The following SND1 variants were observed in gnomAD, a reference collection of about 807,000 sequenced individuals.
SND1 encodes the protein staphylococcal nuclease and tudor domain containing 1, also known as staphylococcal nuclease domain-containing protein 1.
Under a neutral mutation model 121.7 loss-of-function variants are expected in SND1, and 38 were observed. That is an observed-to-expected ratio of 0.31 (90% confidence interval 0.24 to 0.41). The LOEUF (loss-of-function observed/expected upper bound fraction) is 0.41, where lower values mean the gene tolerates loss of function less well. Among genes scored for constraint, SND1 ranks in the 10% least tolerant of loss-of-function variants. The probability of loss-of-function intolerance (pLI) is 1.00; values close to 1 mark genes in which losing one functional copy is unlikely to be tolerated. For synonymous variants in SND1, 401 were observed against 447.4 expected (o/e 0.90, Z 1.31); for missense variants, 868 against 1,184.6 (o/e 0.73, Z 3.92).
intron 10 of SND1, among the ~76,000 whole-genome samples, chr7:127,787,900 A>T (rs1241911556): frequency 6.6e-6 from 1 of 152,172 alleles, no homozygotes; most frequent in Non-Finnish European, 1.5e-5. Context: ...TTATCCAAAC[A>T]TTTTCTGAAG....
In SND1 at chr7:127,703,178, G is replaced by A. The variant is rs1796133318; in HGVS notation, c.695G>A (p.Arg232Gln). The A allele has an allele frequency of 6.2e-6, 10 of 1,614,078 alleles. No individual in the cohort carries two copies. The highest frequency in any genetic ancestry group is 4.5e-5 in the East Asian group (2 of 44,868). ...MLSGIKCPTF[R>Q]READGSETPE... ...CCTTTGCTTTAGTGCCCAACTTTTC[G>A]ACGGGAAGCAGATGGCAGTGAAACT... The change falls in exon 7 of 24, where the codon CGA (arginine) becomes CAA (glutamine). Residue 232 changes from arginine to glutamine, a missense_variant. Arg to Gln is a conservative substitution (Grantham distance 43, BLOSUM62 1). Coordinates refer to ENST00000354725, the MANE Select transcript of SND1 (RefSeq NM_014390.4).
rs745651224 is a variant in SND1, at chr7:127,694,863, G to A, written c.264G>A (p.Lys88=). 1 of 1,614,030 alleles carries A rather than the reference G, an allele frequency of 6.2e-7. No homozygotes were observed. Among genetic ancestry groups the A allele is most frequent in the Admixed American group, 1.7e-5 (1 of 60,006 alleles). The change falls in exon 3 of 24, where the codon AAG becomes AAA. Residue 88 remains lysine (K), a synonymous_variant. Coordinates refer to ENST00000354725, the MANE Select transcript of SND1 (RefSeq NM_014390.4). The part of the protein sequence containing the change: ...WAFPAREFLR[K]KLIGKEVCFT... ...TTCCAGCTCGAGAGTTCCTTCGAAA[G>A]AAGCTGATTGGGAAGGAAGTCTGTT...
At chr7:127,764,038 C>CAAAAAAAAAAAAAAAAAA (rs60053474) in intron 10 of SND1, among the ~76,000 whole-genome samples, 6 of 76,476 alleles carry the variant, frequency 7.8e-5, no homozygotes, top group Non-Finnish European at 1.7e-4. Context: ...GACCCTGTCG[C>CAAAAAAAAAAAAAAAAAA]AAAAAAAAAA....
At chr7:127,685,114 T>A (rs1795790182) in intron 1 of SND1, among the ~76,000 whole-genome samples, 1 of 152,158 alleles carries the variant, frequency 6.6e-6, no homozygotes, top group Non-Finnish European at 1.5e-5. Flanking sequence ...GTTCTTAACT[T>A]GGGTGGTGGT....
At chr7:127,858,130 AGGGAGTGTGGGGGTGT>A in intron 12 of SND1, 1 of 862,382 alleles carries the variant, frequency 1.2e-6, no homozygotes, top group Non-Finnish European at 2.0e-6. Flanking sequence ...GAACATGTCT[AGGGAGTGTGGGGGTGT>A]GGGATTGTGG....
At chr7:127,682,572 A>G (rs1795746736) in intron 1 of SND1, among the ~76,000 whole-genome samples, 1 of 152,244 alleles carries the variant, frequency 6.6e-6, no homozygotes, top group Non-Finnish European at 1.5e-5. Context: ...ATAAATTAGC[A>G]ATTAAGGATA....
intron 1 of SND1, among the ~76,000 whole-genome samples, chr7:127,655,161 G>A (rs79632614): frequency 4.8e-4 from 73 of 152,294 alleles, no homozygotes; most frequent in African/African-American, 1.7e-3. Context: ...GTCTGAAATC[G>A]TCTAGGGTTG....
At chr7:127,735,889 C>CA (rs2116422166) in intron 10 of SND1, among the ~76,000 whole-genome samples, 1 of 152,326 alleles carries the variant, frequency 6.6e-6, no homozygotes, top group Admixed American at 6.5e-5. Flanking sequence ...CCCAGCCTCC[C>CA]AAAGTGCTGG....
intron 16 of SND1, among the ~76,000 whole-genome samples, chr7:128,063,596 G>A (rs775119767): frequency 3.3e-5 from 5 of 152,246 alleles, no homozygotes; most frequent in Non-Finnish European, 7.3e-5. Context: ...GGAGAAGCTA[G>A]AATATTTTGC....
chr7:127,985,300 C>T (rs369337710), intron 15 of SND1, among the ~76,000 whole-genome samples: 3 of 152,192 alleles, frequency 2.0e-5, no homozygotes, highest in South Asian at 2.1e-4. Flanking sequence ...ACTTCTAGCC[C>T]GGGCTAGAGT....
intron 14 of SND1, among the ~76,000 whole-genome samples, chr7:127,928,596 CT>C (rs202178752): frequency 8.0e-6 from 1 of 124,526 alleles, no homozygotes; most frequent in South Asian, 2.7e-4. Flanking sequence ...TTCTTTCTTT[CT>C]TTTTTTTGAG....
At chr7:127,781,193 A>T (rs1344704045) in intron 10 of SND1, among the ~76,000 whole-genome samples, 1 of 152,236 alleles carries the variant, frequency 6.6e-6, no homozygotes, top group Non-Finnish European at 1.5e-5. Flanking sequence ...AGCTGAACTT[A>T]AAAGACTTTG....
At chr7:127,866,236 A>G (rs942926612) in intron 12 of SND1, among the ~76,000 whole-genome samples, 2 of 152,228 alleles carry the variant, frequency 1.3e-5, no homozygotes, top group East Asian at 1.9e-4. Context: ...TGATTGGACA[A>G]CCATTAAAAT....
chr7:127,976,635 C>T (rs1451327219), intron 15 of SND1, among the ~76,000 whole-genome samples: 1 of 152,234 alleles, frequency 6.6e-6, no homozygotes, highest in Non-Finnish European at 1.5e-5. Flanking sequence ...ATGCAGAAGT[C>T]CTTTTCTTTC....
intron 1 of SND1, among the ~76,000 whole-genome samples, chr7:127,683,328 A>C (rs1303439928): frequency 6.6e-6 from 1 of 151,992 alleles, no homozygotes; most frequent in East Asian, 1.9e-4. Context: ...CGGTTCTCCT[A>C]CCTCAGCCTC....
At chr7:128,090,753 G>A (rs958924665) in intron 22 of SND1, among the ~76,000 whole-genome samples, 6 of 152,128 alleles carry the variant, frequency 3.9e-5, no homozygotes, top group Non-Finnish European at 1.5e-5. Flanking sequence ...TGTGCAGGCT[G>A]ACGACTCACT....
rs1177637777 is a variant in SND1, at chr7:127,872,619, AACACACACGC to A, written c.1344-15274_1344-15265del. Among the ~76,000 whole-genome samples the A allele has an allele frequency of 3.0e-3, 346 of 116,146 alleles. 3 individuals carry two copies. Among genetic ancestry groups the A allele is most frequent in the African/African-American group, 0.011 (323 of 28,362 alleles). 76.2% of individuals were successfully genotyped at this position (116,146 alleles called of 152,430 possible). On this transcript the variant is annotated intron_variant, in intron 12 of 23. Transcript: ENST00000354725. ...CAGTATCTTACATTAGACCTTTTTT[AACACACACGC>A]ACACACACACACACACACACACACA...
chr7:127,899,771 A>G (rs920848525), intron 13 of SND1, among the ~76,000 whole-genome samples: 3 of 152,176 alleles, frequency 2.0e-5, no homozygotes, highest in Admixed American at 2.0e-4. Flanking sequence ...TTTAGTTAAG[A>G]TATCCCTGAT....
chr7:127,834,729 T>A (rs1798833380), intron 11 of SND1, among the ~76,000 whole-genome samples: 1 of 152,254 alleles, frequency 6.6e-6, no homozygotes, highest in Non-Finnish European at 1.5e-5. Context: ...TGTTATTTAG[T>A]CATTGGCGTG....
Sources: allele counts gnomAD v4.1 joint callset (sites outside exome capture counted in the v4.1 genomes callset), GRCh38; gene constraint gnomAD v4.1.1; transcripts MANE v1.5; gene names NCBI Gene and HGNC (gene_info 2026-07-23, HGNC 2026-07-21).